The following AFG1L variants were observed in gnomAD, a reference collection of about 807,000 sequenced individuals.
The protein encoded by AFG1L is AFG1-like ATPase.
A neutral mutation model predicts 62.2 loss-of-function variants in AFG1L; 53 were observed. The observed-to-expected ratio is 0.85, with a 90% CI of 0.68 to 1.07. The LOEUF (loss-of-function observed/expected upper bound fraction) is 1.07, where lower values mean the gene tolerates loss of function less well. Among genes scored for constraint, AFG1L ranks in the 50% least tolerant of loss-of-function variants. The pLI is 0.00. For synonymous variants in AFG1L, 228 were observed against 210.3 expected (o/e 1.08, Z -0.73); for missense variants, 555 against 590.5 (o/e 0.94, Z 0.62).
intron 11 of AFG1L, among the ~76,000 whole-genome samples, chr6:108,511,215 GA>G (rs1774641420): frequency 6.6e-6 from 1 of 151,898 alleles, no homozygotes; most frequent in South Asian, 2.1e-4. Context: ...AGAAGGAGAA[GA>G]AAACAAATGA....
At chr6:108,490,227 C>T (rs1773722953) in intron 10 of AFG1L, among the ~76,000 whole-genome samples, 2 of 152,052 alleles carry the variant, frequency 1.3e-5, no homozygotes, top group Admixed American at 6.6e-5. Flanking sequence ...GGTGTGGTGG[C>T]GCATGCCTTT....
chr6:108,329,857 C>T (rs981492572), intron 2 of AFG1L, among the ~76,000 whole-genome samples: 2 of 152,130 alleles, frequency 1.3e-5, no homozygotes, highest in African/African-American at 4.8e-5. Context: ...CTCATGTTGA[C>T]ATTTAATCCC....
intron 2 of AFG1L, among the ~76,000 whole-genome samples, chr6:108,329,397 C>T (rs1220882883): frequency 6.6e-6 from 1 of 152,086 alleles, no homozygotes; most frequent in Non-Finnish European, 1.5e-5. Flanking sequence ...CTCCTGGATT[C>T]AAGTGATTCT....
chr6:108,476,961 G>A, intron 9 of AFG1L, 26 bp downstream of exon 9: 1 of 1,593,802 alleles, frequency 6.3e-7, no homozygotes, highest in Non-Finnish European at 8.6e-7. Context: ...TCTCTTGAAA[G>A]AGAATACATT....
chr6:108,387,733 A>T (rs1310099474), intron 6 of AFG1L: 1 of 152,208 alleles, frequency 6.6e-6, no homozygotes. Context: ...CAAGTCATAG[A>T]TTAAAAAATT....
intron 10 of AFG1L, among the ~76,000 whole-genome samples, chr6:108,499,907 A>T (rs992870985): frequency 9.2e-5 from 14 of 152,114 alleles, no homozygotes; most frequent in Admixed American, 3.3e-4. Context: ...CTGAATAGTG[A>T]ACATAGTGAC....
intron 7 of AFG1L, among the ~76,000 whole-genome samples, chr6:108,416,459 A>T (rs917652716): frequency 6.6e-6 from 1 of 152,260 alleles, no homozygotes; most frequent in Admixed American, 6.5e-5. Context: ...ATGCTGCTAT[A>T]AAGACACATG....
At chr6:108,447,434 T>A in intron 8 of AFG1L, 138 bp downstream of exon 8, 1 of 562,944 alleles carries the variant, frequency 1.8e-6, no homozygotes, top group Non-Finnish European at 3.2e-6. Context: ...GTTCTCATGT[T>A]AACTTCTTCA....
intron 7 of AFG1L, among the ~76,000 whole-genome samples, chr6:108,408,279 C>T (rs1173014094): frequency 6.6e-6 from 1 of 151,998 alleles, no homozygotes; most frequent in Non-Finnish European, 1.5e-5. Context: ...GGTTTTAGGA[C>T]CTTTCTAAGC....
At chr6:108,386,226 C>A (rs112453310) in intron 6 of AFG1L, among the ~76,000 whole-genome samples, 25 of 152,292 alleles carry the variant, frequency 1.6e-4, no homozygotes, top group African/African-American at 5.3e-4. Context: ...CTTTGGGAGG[C>A]CAAGGCGGGT....
At chr6:108,431,884 C>T (rs918947025) in intron 7 of AFG1L, among the ~76,000 whole-genome samples, 8 of 151,626 alleles carry the variant, frequency 5.3e-5, no homozygotes, top group African/African-American at 1.5e-4. Flanking sequence ...GCGCTCAGCC[C>T]GGCCCTCACC....
intron 1 of AFG1L, among the ~76,000 whole-genome samples, chr6:108,301,840 C>T (rs973688985): frequency 2.6e-5 from 4 of 152,186 alleles, no homozygotes; most frequent in Non-Finnish European, 5.9e-5. Flanking sequence ...TTACCCATCC[C>T]TCTTGTTTCT....
intron 2 of AFG1L, among the ~76,000 whole-genome samples, chr6:108,340,427 G>A (rs2114388490): frequency 6.7e-6 from 1 of 149,418 alleles, no homozygotes; most frequent in Admixed American, 6.7e-5. Context: ...GCAGTGGTGT[G>A]ATCTAAGCTC....
chr6:108,306,837 G>A (rs1777215822), intron 1 of AFG1L, among the ~76,000 whole-genome samples: 1 of 152,120 alleles, frequency 6.6e-6, no homozygotes, highest in African/African-American at 2.4e-5. Flanking sequence ...CTTCAAGTAT[G>A]GTCAGCCTAG....
At chr6:108,348,271 G>T (rs556489793) in intron 3 of AFG1L, among the ~76,000 whole-genome samples, 2 of 152,202 alleles carry the variant, frequency 1.3e-5, no homozygotes, top group African/African-American at 4.8e-5. Flanking sequence ...GTAGAGACGG[G>T]GTTTCACCGT....
rs191825240 is a variant in AFG1L, at chr6:108,518,683, T to G, written c.1204-1014T>G. Among the ~76,000 whole-genome samples the G allele has an allele frequency of 1.3e-3, 199 of 152,314 alleles. 1 individual carries two copies. The highest frequency in any genetic ancestry group is 4.5e-3 in the African/African-American group (188 of 41,566). ...AAAAGAATATGTTTTGTATTTAAACTAGTGGATATAAAAAATATAAAAGCT... is the reference window on the plus strand; with the variant it reads ...AAAAGAATATGTTTTGTATTTAAACGAGTGGATATAAAAAATATAAAAGCT... On this transcript the variant is annotated intron_variant, in intron 11 of 12. Coordinates refer to ENST00000368977, the MANE Select transcript of AFG1L (RefSeq NM_145315.5).
At chr6:108,346,672 C>T (rs1331674473) in intron 2 of AFG1L, among the ~76,000 whole-genome samples, 1 of 152,108 alleles carries the variant, frequency 6.6e-6, no homozygotes, top group African/African-American at 2.4e-5. Context: ...CTGACTTCTA[C>T]TTTCTGTCTC....
chr6:108,407,180 C>T (rs756223985), intron 7 of AFG1L, among the ~76,000 whole-genome samples: 40 of 151,624 alleles, frequency 2.6e-4, no homozygotes, highest in Non-Finnish European at 4.1e-4. Context: ...TAGCCTTTGC[C>T]GGCATGGTTG....
intron 7 of AFG1L, among the ~76,000 whole-genome samples, chr6:108,417,847 T>C (rs1419833059): frequency 6.6e-6 from 1 of 152,126 alleles, no homozygotes; most frequent in Non-Finnish European, 1.5e-5. Context: ...TATTTATATT[T>C]TTTTGAGATG....
Sources: allele counts gnomAD v4.1 joint callset (sites outside exome capture counted in the v4.1 genomes callset), GRCh38; gene constraint gnomAD v4.1.1; transcripts MANE v1.5; gene names NCBI Gene and HGNC (gene_info 2026-07-23, HGNC 2026-07-21).